Variants in CMSS1 observed in about 807,000 individuals in gnomAD.
CMSS1 encodes protein CMSS1.
Under a neutral mutation model 43.5 loss-of-function variants are expected in CMSS1, and 33 were observed. That is an observed-to-expected ratio of 0.76 (90% CI 0.57 to 1.01). The LOEUF (loss-of-function observed/expected upper bound fraction) is 1.01. Among genes scored for constraint, CMSS1 ranks in the 50% least tolerant of loss-of-function variants. The probability of loss-of-function intolerance (pLI) is 0.00; values close to 1 mark genes in which losing one functional copy is unlikely to be tolerated. For missense variants in CMSS1, 313 were observed against 326.4 expected, an observed-to-expected ratio of 0.96 and a Z score of 0.32; for synonymous variants, 115 against 117.2, an observed-to-expected ratio of 0.98 and a Z score of 0.12.
chr3:100,169,944 T>A (rs2067096005), intron 6 of CMSS1, among the ~76,000 whole-genome samples: 1 of 152,276 alleles, frequency 6.6e-6, no homozygotes, highest in African/African-American at 2.4e-5. Flanking sequence ...TTGTCACACT[T>A]CATTTACCAA....
intron 1 of CMSS1, among the ~76,000 whole-genome samples, chr3:100,016,365 A>G (rs1157759348): frequency 6.6e-6 from 1 of 152,246 alleles, no homozygotes; most frequent in South Asian, 2.1e-4. Flanking sequence ...CTAATTTTGT[A>G]TCTTTAGTAG....
chr3:100,109,297 T>C (rs1264809908), intron 1 of CMSS1, among the ~76,000 whole-genome samples: 1 of 152,126 alleles, frequency 6.6e-6, no homozygotes, highest in Non-Finnish European at 1.5e-5. Context: ...AAGTTTGAAG[T>C]GGGATTCTCT....
intron 1 of CMSS1, chr3:100,114,494 C>CTGTG (rs374700618): frequency 1.9e-4 from 30 of 153,860 alleles, no homozygotes; most frequent in Middle Eastern, 3.3e-3. Flanking sequence ...GTGAGCACGT[C>CTGTG]TGTGTGTGTG....
chr3:99,990,608 T>C (rs1709483497), intron 1 of CMSS1, among the ~76,000 whole-genome samples: 1 of 152,166 alleles, frequency 6.6e-6, no homozygotes, highest in South Asian at 2.1e-4. Context: ...TTCTTGTGCT[T>C]CACTTAAAAC....
At chr3:100,086,663 T>C (rs2066015232) in intron 1 of CMSS1, among the ~76,000 whole-genome samples, 1 of 152,184 alleles carries the variant, frequency 6.6e-6, no homozygotes, top group Non-Finnish European at 1.5e-5. Context: ...AAATTTTTGA[T>C]AAAAATCATT....
chr3:99,956,537 G>A (rs1708324450), intron 1 of CMSS1, among the ~76,000 whole-genome samples: 1 of 152,114 alleles, frequency 6.6e-6, no homozygotes, highest in Non-Finnish European at 1.5e-5. Flanking sequence ...ATTATAGATG[G>A]GGTTTCACCA....
chr3:99,895,571 A>C (rs954191919), intron 1 of CMSS1, among the ~76,000 whole-genome samples: 1 of 152,152 alleles, frequency 6.6e-6, no homozygotes, highest in Non-Finnish European at 1.5e-5. Context: ...CAATAGCATA[A>C]CTATGAACCC....
intron 4 of CMSS1, 88 bp from the exon 5 acceptor site, chr3:100,166,247 A>T (rs1270779324): frequency 2.3e-6 from 2 of 863,514 alleles, no homozygotes; most frequent in Non-Finnish European, 1.9e-6. Context: ...TTACAACCTT[A>T]TACATCACTC....
chr3:99,941,080 T>C (rs527728380), intron 1 of CMSS1, among the ~76,000 whole-genome samples: 9 of 152,380 alleles, frequency 5.9e-5, no homozygotes, highest in Non-Finnish European at 1.2e-4. Context: ...CATATAAGTT[T>C]AGTCTGAAAC....
intron 1 of CMSS1, among the ~76,000 whole-genome samples, chr3:99,884,220 G>A (rs1489370945): frequency 6.6e-6 from 1 of 152,090 alleles, no homozygotes; most frequent in Non-Finnish European, 1.5e-5. Context: ...AAATGTTTCT[G>A]CTTCATATAA....
rs554981147 is a variant in CMSS1, at chr3:99,959,095, T to TA, written c.64+141060dup. On this transcript the variant is annotated intron_variant, in intron 1 of 9. Coordinates refer to ENST00000421999, the MANE Select transcript of CMSS1 (RefSeq NM_032359.4). ...AACACATCAGGATATGATGGTAATT[T>TA]AAAAAAAATTCATTGTGTAAATGTT... is the stretch of plus-strand genomic sequence containing the variant. 1.8e-4 allele frequency among the ~76,000 whole-genome samples: 27 copies of TA among 152,236 alleles called. No homozygotes were observed. The South Asian group carries it at 2.3e-3, about 13-fold the overall frequency.
In CMSS1 at chr3:99,987,236, GA is replaced by G. The variant is rs1227204798; in HGVS notation, c.65-159727del. On this transcript the variant is annotated intron_variant, in intron 1 of 9. Transcript: ENST00000421999. ...AGAGTAAGACCCTGTCTCTTAAGGG[GA>G]AAAAAAAAAGGCCAGGCACAGTGGC... Among the ~76,000 whole-genome samples, 571 of 107,860 alleles carry G rather than the reference GA, an allele frequency of 5.3e-3. 7 individuals are homozygous for G. The highest frequency in any genetic ancestry group is 0.019 in the African/African-American group (542 of 28,420). The allele number at this position is 107,860 out of a possible 152,430, so 70.8% of individuals were successfully genotyped here.
chr3:99,858,773 T>C (rs1944098935), intron 1 of CMSS1, among the ~76,000 whole-genome samples: 1 of 152,198 alleles, frequency 6.6e-6, no homozygotes, highest in African/African-American at 2.4e-5. Flanking sequence ...GATATCTTCT[T>C]CACTCTCAAA....
At chr3:99,842,105 C>T (rs1943159193) in intron 1 of CMSS1, among the ~76,000 whole-genome samples, 1 of 151,866 alleles carries the variant, frequency 6.6e-6, no homozygotes, top group African/African-American at 2.4e-5. Context: ...AGTCAATGAG[C>T]GGATAAAGAA....
At chr3:100,061,674 T>C (rs2065568685) in intron 1 of CMSS1, among the ~76,000 whole-genome samples, 1 of 152,240 alleles carries the variant, frequency 6.6e-6, no homozygotes. Flanking sequence ...GCTTTACACA[T>C]ATGAATTCAT....
chr3:99,910,434 A>G (rs1431697983), intron 1 of CMSS1, among the ~76,000 whole-genome samples: 1 of 136,236 alleles, frequency 7.3e-6, no homozygotes, highest in Non-Finnish European at 1.7e-5. Context: ...GAAATGTTTC[A>G]TTTCTTTAAT....
At chr3:100,039,306 T>A (rs1013825562) in intron 1 of CMSS1, among the ~76,000 whole-genome samples, 1 of 152,164 alleles carries the variant, frequency 6.6e-6, no homozygotes, top group East Asian at 1.9e-4. Context: ...TAGTACAGCC[T>A]ATGAAGTACA....
intron 1 of CMSS1, among the ~76,000 whole-genome samples, chr3:100,109,212 A>C (rs2066445243): frequency 6.6e-6 from 1 of 151,818 alleles, no homozygotes; most frequent in Non-Finnish European, 1.5e-5. Flanking sequence ...TGTGTGTTTT[A>C]ATATCCTAAA....
At chr3:100,109,291 T>G (rs1382731732) in intron 1 of CMSS1, among the ~76,000 whole-genome samples, 2 of 152,116 alleles carry the variant, frequency 1.3e-5, no homozygotes, top group African/African-American at 4.8e-5. Context: ...TGGTTGAAGT[T>G]TGAAGTGGGA....
Sources: allele counts gnomAD v4.1 joint callset (sites outside exome capture counted in the v4.1 genomes callset), GRCh38; gene constraint gnomAD v4.1.1; transcripts MANE v1.5; gene names NCBI Gene and HGNC (gene_info 2026-07-23, HGNC 2026-07-21).